Variants in TDRD12 observed in about 807,000 individuals in gnomAD.
TDRD12 encodes the protein putative ATP-dependent RNA helicase TDRD12.
TDRD12 carries 158 observed loss-of-function variants against 133.5 expected under a neutral mutation model. The ratio of observed to expected loss-of-function variants is 1.18; its 90% CI spans 1.04 to 1.35. The LOEUF (loss-of-function observed/expected upper bound fraction) is 1.35, where lower values mean the gene tolerates loss of function less well. Ranked by LOEUF, TDRD12 falls within the 40% of genes most tolerant of loss-of-function variation. The probability of loss-of-function intolerance (pLI) is 0.00; values close to 1 mark genes in which losing one functional copy is unlikely to be tolerated. For missense variants in TDRD12, 1,443 were observed against 1,321.3 expected (o/e 1.09, Z -1.43); for synonymous variants, 460 against 477.9 (o/e 0.96, Z 0.49).
exon 10 of TDRD12, chr19:32,827,970 T>A (rs543064477): frequency 3.3e-5 from 5 of 152,324 alleles, no homozygotes; most frequent in African/African-American, 9.6e-5. Context: ...GCTACATTGC[T>A]ACAAACCTGA....
At chr19:32,811,364 G>A in exon 24 of TDRD12, 3 of 1,536,154 alleles carry the variant, frequency 2.0e-6, no homozygotes, top group Non-Finnish European at 2.6e-6. Context: ...GCAGGCTGTG[G>A]AGTTTATTGT....
intron 11 of TDRD12, among the ~76,000 whole-genome samples, chr19:32,777,864 T>A (rs1472022507): frequency 2.1e-5 from 1 of 48,422 alleles, no homozygotes; most frequent in African/African-American, 7.2e-5. Flanking sequence ...TATATTTTTT[T>A]TTTTTTTTTT....
At chr19:32,761,723 G>T (rs1335382554) in intron 8 of TDRD12, among the ~76,000 whole-genome samples, 2 of 151,882 alleles carry the variant, frequency 1.3e-5, no homozygotes, top group Admixed American at 1.3e-4. Context: ...GGAGTCTTGT[G>T]CTGTCACCTA....
At chr19:32,803,485 A>G (rs1386105766) in intron 21 of TDRD12, among the ~76,000 whole-genome samples, 4 of 152,168 alleles carry the variant, frequency 2.6e-5, no homozygotes, top group Non-Finnish European at 5.9e-5. Flanking sequence ...TGGCTGTATC[A>G]CAGTGTGTGT....
intron 8 of TDRD12, among the ~76,000 whole-genome samples, chr19:32,764,946 C>T (rs541963615): frequency 1.2e-4 from 19 of 152,228 alleles, no homozygotes; most frequent in Admixed American, 1.1e-3. Context: ...TCAGAGTGAA[C>T]AGGCAACCTA....
chr19:32,764,752 T>A (rs1414626601), intron 8 of TDRD12, among the ~76,000 whole-genome samples: 1 of 152,212 alleles, frequency 6.6e-6, no homozygotes, highest in Non-Finnish European at 1.5e-5. Flanking sequence ...GTTCTGTCAG[T>A]TTTTCCTTCA....
At chr19:32,750,020 G>A (rs892565450) in intron 6 of TDRD12, among the ~76,000 whole-genome samples, 151 bp downstream of exon 6, 2 of 152,132 alleles carry the variant, frequency 1.3e-5, no homozygotes, top group African/African-American at 4.8e-5. Context: ...AAGTTAGCCA[G>A]GTCTGTGTTT....
Position 32,815,580 on chromosome 19 carries a change from GC to G in TDRD12, c.3275del (p.Ala1092ValfsTer10). 2.0e-6 allele frequency: 3 copies of G among 1,536,224 alleles called. No individual in the cohort carries two copies. The highest frequency in any genetic ancestry group is 2.6e-6 in the Non-Finnish European group (3 of 1,146,944). On this transcript the variant is annotated frameshift_variant, in exon 26 of 28. Transcript: ENST00000444215. LOFTEE classifies it high-confidence loss of function. ...ACAACTGAAAAAATTACGCGAAGAT[GC>G]TAAGATACCAGCTTGTGAAGAAAGC...
chr19:32,793,063 A>G (rs1022326037), intron 13 of TDRD12, among the ~76,000 whole-genome samples: 3 of 152,098 alleles, frequency 2.0e-5, no homozygotes, highest in African/African-American at 7.2e-5. Flanking sequence ...GCATGTGCCT[A>G]TAGTCCCAGT....
rs79912693 is a variant in TDRD12 at position 32,791,462 on chromosome 19, A to T, written c.1287+394A>T. On this transcript the variant is annotated intron_variant, in intron 13 of 27. Transcript: ENST00000444215. Reference sequence around the variant, plus strand: ...TGGTTTCATTTGGAAAATTGATCATACGTGTTTATCTACTTTTTTCCTGAT... The same window carrying T: ...TGGTTTCATTTGGAAAATTGATCATTCGTGTTTATCTACTTTTTTCCTGAT... Among the ~76,000 whole-genome samples, 159 of 152,344 alleles carry T rather than the reference A, an allele frequency of 1.0e-3. 3 individuals are homozygous for T. The East Asian group carries it at 0.026, about 25-fold the overall frequency.
chr19:32,762,728 A>G (rs182697168), intron 8 of TDRD12, among the ~76,000 whole-genome samples: 8 of 152,306 alleles, frequency 5.3e-5, no homozygotes, highest in African/African-American at 1.4e-4. Context: ...TAGTTTGTAT[A>G]ATTAACTTTC....
At chr19:32,737,670 C>A (rs367866509) in intron 2 of TDRD12, among the ~76,000 whole-genome samples, 1 of 152,178 alleles carries the variant, frequency 6.6e-6, no homozygotes, top group Admixed American at 6.5e-5. Context: ...GGTGAGACTA[C>A]AGGCACGTAC....
At chr19:32,774,330 G>A (rs4805808) in intron 10 of TDRD12, among the ~76,000 whole-genome samples, 91,539 of 152,074 alleles carry the variant, frequency 0.6, 28,699 homozygotes, top group East Asian at 0.83. Flanking sequence ...CTCTTTACCT[G>A]TGTGGTTGCA....
At position 32,773,452 on chromosome 19, in the gene TDRD12, AC is replaced by A; in HGVS notation, c.964-3del. 6.4e-7 allele frequency: 1 copy of A among 1,551,662 alleles called. No homozygotes were observed. The highest frequency in any genetic ancestry group is 8.7e-7 in the Non-Finnish European group (1 of 1,146,900). ...TCTTTCTGAAGAAAAGTTTTCTTTT[AC>A]AGCGTGTTGAATCCTCAGTGTACTG... On this transcript the variant is annotated splice_polypyrimidine_tract_variant and splice_region_variant and intron_variant, in intron 9 of 27. Transcript: ENST00000444215.
At chr19:32,746,889 T>TGAGA (rs140171399) in intron 4 of TDRD12, among the ~76,000 whole-genome samples, 6 of 134,920 alleles carry the variant, frequency 4.4e-5, no homozygotes, top group South Asian at 2.4e-4. Context: ...TGTGTGTGTG[T>TGAGA]GAGAGAGAGA....
At chr19:32,800,356 C>G (rs781379619) in exon 17 of TDRD12, 2 of 1,509,408 alleles carry the variant, frequency 1.3e-6, no homozygotes, top group Non-Finnish European at 1.8e-6. Flanking sequence ...CAATGTCCAA[C>G]AGGTAACTTT....
intron 1 of TDRD12, among the ~76,000 whole-genome samples, chr19:32,721,601 A>C (rs1421884251): frequency 3.9e-5 from 6 of 151,970 alleles, no homozygotes; most frequent in Admixed American, 3.3e-4. Context: ...GCTGTTCTCG[A>C]ACTCCTGACC....
chr19:32,779,059 G>A (rs1367294159), intron 11 of TDRD12, among the ~76,000 whole-genome samples: 5 of 152,216 alleles, frequency 3.3e-5, no homozygotes, highest in African/African-American at 1.2e-4. Context: ...AGCATTGGCT[G>A]CACTGCGTCC....
chr19:32,719,995 C>T (rs1392935942), exon 1 of TDRD12: 10 of 1,510,654 alleles, frequency 6.6e-6, no homozygotes, highest in South Asian at 1.2e-5. Context: ...CTGGCCGGGG[C>T]GGACGCAGCC....
Sources: allele counts gnomAD v4.1 joint callset (sites outside exome capture counted in the v4.1 genomes callset), GRCh38; gene constraint gnomAD v4.1.1; transcripts MANE v1.5; gene names NCBI Gene and HGNC (gene_info 2026-07-23, HGNC 2026-07-21).